Variants in CEP112 observed in about 807,000 individuals in gnomAD.
CEP112 encodes the protein centrosomal protein 112.
CEP112 carries 127 observed loss-of-function variants against 153.0 expected under a neutral mutation model. The ratio of observed to expected loss-of-function variants is 0.83; its 90% CI spans 0.72 to 0.96. The LOEUF (loss-of-function observed/expected upper bound fraction) is 0.96. Ranked by LOEUF, CEP112 falls within the 40% of genes least tolerant of loss-of-function variation. The pLI is 0.00. For synonymous variants in CEP112, 358 were observed against 374.4 expected, an observed-to-expected ratio of 0.96 and a Z score of 0.51; for missense variants, 1,089 against 1,101.2, an observed-to-expected ratio of 0.99 and a Z score of 0.16.
At chr17:65,877,402 T>C (rs2058873301) in intron 20 of CEP112, among the ~76,000 whole-genome samples, 1 of 152,232 alleles carries the variant, frequency 6.6e-6, no homozygotes, top group Non-Finnish European at 1.5e-5. Context: ...GACAACTCTG[T>C]GTACATTCTA....
intron 21 of CEP112, among the ~76,000 whole-genome samples, chr17:65,835,757 G>A (rs1224686003): frequency 6.6e-6 from 1 of 152,122 alleles, no homozygotes; most frequent in African/African-American, 2.4e-5. Flanking sequence ...ATGCTAACAT[G>A]TAACAAGAAA....
At chr17:65,756,405 CAAAAAAAAAAAA>C (rs766476895) in intron 21 of CEP112, among the ~76,000 whole-genome samples, 3 of 30,514 alleles carry the variant, frequency 9.8e-5, no homozygotes, top group African/African-American at 1.2e-4. Context: ...GACTCCGTCT[CAAAAAAAAAAAA>C]AAAAAAAAAA....
intron 23 of CEP112, among the ~76,000 whole-genome samples, chr17:65,721,100 C>T (rs182425136): frequency 1.8e-3 from 280 of 151,432 alleles, no homozygotes; most frequent in Admixed American, 2.5e-3. Flanking sequence ...CAAGCTTCGC[C>T]TCCCGGGTTC....
intron 20 of CEP112, among the ~76,000 whole-genome samples, chr17:65,866,701 G>C (rs1266503921): frequency 6.6e-6 from 1 of 152,034 alleles, no homozygotes; most frequent in East Asian, 1.9e-4. Flanking sequence ...CCCACCTCAG[G>C]GTCCCCTCTC....
Position 66,096,570 on chromosome 17 carries a change from G to C in CEP112, c.690+15C>G. 6.4e-7 allele frequency: 1 copy of C among 1,563,858 alleles called. No individual in the cohort carries two copies. Among genetic ancestry groups the C allele is most frequent in the Non-Finnish European group, 8.8e-7 (1 of 1,140,516 alleles). ...TACCTGCCCCTAGAAAAAGTCCAAT[G>C]GATTTCTCACATACCAGAGAAACTG... On this transcript the variant is annotated intron_variant, in intron 7 of 26. Coordinates refer to ENST00000535342, the MANE Select transcript of CEP112 (RefSeq NM_001199165.4).
chr17:65,796,141 CACT>C (rs908646267), intron 21 of CEP112, among the ~76,000 whole-genome samples: 1 of 152,124 alleles, frequency 6.6e-6, no homozygotes, highest in African/African-American at 2.4e-5. Flanking sequence ...CAGATTCCAC[CACT>C]GAGAATGATG....
At chr17:65,769,053 A>C (rs1226359409) in intron 21 of CEP112, among the ~76,000 whole-genome samples, 2 of 152,154 alleles carry the variant, frequency 1.3e-5, no homozygotes, top group Admixed American at 1.3e-4. Context: ...TTGCACACAA[A>C]AACCTATTAG....
At chr17:65,640,202 G>A (rs1357825569) in intron 25 of CEP112, among the ~76,000 whole-genome samples, 1 of 136,908 alleles carries the variant, frequency 7.3e-6, no homozygotes, top group Non-Finnish European at 1.5e-5. Context: ...CATCCAGGCT[G>A]GAGTGCAGTG....
chr17:65,969,013 G>C (rs908364655), intron 17 of CEP112, among the ~76,000 whole-genome samples: 9 of 151,570 alleles, frequency 5.9e-5, no homozygotes, highest in African/African-American at 2.2e-4. Flanking sequence ...GCCAAGATCT[G>C]TGCTCAGTAT....
rs530288724 is a variant in CEP112 at position 65,738,960 on chromosome 17, C to T, written c.2607+4108G>A. On this transcript the variant is annotated intron_variant, in intron 23 of 26. Transcript: ENST00000535342. ...CTCCTCTCCTAGATTCTGGGCTGGC[C>T]CTATGACCTATCTTGATCAATCGAA... Among the ~76,000 whole-genome samples, 20 of 152,302 alleles carry T rather than the reference C, an allele frequency of 1.3e-4. No individual in the cohort carries two copies. The East Asian group carries it at 3.7e-3, about 28-fold the overall frequency.
chr17:65,741,758 C>T (rs901335746), intron 23 of CEP112, among the ~76,000 whole-genome samples: 3 of 151,630 alleles, frequency 2.0e-5, no homozygotes, highest in African/African-American at 7.3e-5. Flanking sequence ...AACAGAAATG[C>T]ACTTAATATT....
chr17:65,719,443 G>A (rs1339292745), intron 23 of CEP112, among the ~76,000 whole-genome samples: 3 of 152,108 alleles, frequency 2.0e-5, no homozygotes, highest in Non-Finnish European at 4.4e-5. Context: ...TTAGCCCGGC[G>A]TGGTGGTGGC....
At chr17:65,941,588 A>G (rs1044922649) in intron 18 of CEP112, 8 of 152,206 alleles carry the variant, frequency 5.3e-5, no homozygotes, top group Non-Finnish European at 1.2e-4. Flanking sequence ...TCATCATGCA[A>G]TATTCTGTAT....
intron 18 of CEP112, among the ~76,000 whole-genome samples, chr17:65,933,222 A>T (rs1431008725): frequency 6.6e-6 from 1 of 152,088 alleles, no homozygotes; most frequent in Non-Finnish European, 1.5e-5. Context: ...ATAATAGGAG[A>T]TCCAAAGGAG....
At chr17:65,965,407 A>G (rs2062372905) in intron 17 of CEP112, among the ~76,000 whole-genome samples, 1 of 152,202 alleles carries the variant, frequency 6.6e-6, no homozygotes, top group South Asian at 2.1e-4. Context: ...CTAATCTAAT[A>G]GTAACACTAA....
intron 17 of CEP112, among the ~76,000 whole-genome samples, chr17:65,991,896 T>A (rs1176018973): frequency 2.0e-5 from 3 of 152,146 alleles, no homozygotes; most frequent in Non-Finnish European, 4.4e-5. Context: ...TAAAATCCCA[T>A]ACAAGACCAA....
intron 17 of CEP112, among the ~76,000 whole-genome samples, chr17:65,980,005 T>G (rs2063172168): frequency 6.6e-6 from 1 of 152,124 alleles, no homozygotes; most frequent in African/African-American, 2.4e-5. Context: ...CTTAAAATGT[T>G]TCTAATTATA....
intron 25 of CEP112, among the ~76,000 whole-genome samples, chr17:65,638,532 C>A (rs2044906666): frequency 6.6e-6 from 1 of 152,124 alleles, no homozygotes; most frequent in Non-Finnish European, 1.5e-5. Context: ...AAGTGGTCCT[C>A]CTGGTTTTGC....
At chr17:65,915,047 C>T (rs1256240846) in intron 19 of CEP112, among the ~76,000 whole-genome samples, 1 of 152,190 alleles carries the variant, frequency 6.6e-6, no homozygotes, top group East Asian at 1.9e-4. Flanking sequence ...CTGCACACGG[C>T]TTATGGGAAA....
Sources: allele counts gnomAD v4.1 joint callset (sites outside exome capture counted in the v4.1 genomes callset), GRCh38; gene constraint gnomAD v4.1.1; transcripts MANE v1.5; gene names NCBI Gene and HGNC (gene_info 2026-07-23, HGNC 2026-07-21).